The following MMP26 variants were observed in gnomAD, a reference collection of about 807,000 sequenced individuals.
MMP26 encodes matrix metallopeptidase 26, also known as matrix metalloproteinase-26.
Under a neutral mutation model 31.0 loss-of-function variants are expected in MMP26, and 33 were observed. That is an observed-to-expected ratio of 1.06 (90% CI 0.81 to 1.42). MMP26 has a LOEUF of 1.42. Among genes scored for constraint, MMP26 ranks in the 40% most tolerant of loss-of-function variants. The pLI is 0.00. For synonymous variants in MMP26, 122 were observed against 114.9 expected (o/e 1.06, Z -0.40); for missense variants, 347 against 316.1 (o/e 1.10, Z -0.74).
intron 1 of MMP26, among the ~76,000 whole-genome samples, chr11:4,763,932 C>T (rs964302138): frequency 2.0e-5 from 3 of 151,896 alleles, no homozygotes; most frequent in Non-Finnish European, 2.9e-5. Context: ...AATTGGATTC[C>T]TAAAGTTGTC....
intron 2 of MMP26, among the ~76,000 whole-genome samples, chr11:4,772,996 G>C (rs1848745974): frequency 6.6e-6 from 1 of 152,114 alleles, no homozygotes; most frequent in Admixed American, 6.5e-5. Flanking sequence ...CAACTGTTTT[G>C]ACTAATACTT....
At chr11:4,711,980 A>C (rs909412664) in intron 1 of MMP26, 1 of 152,076 alleles carries the variant, frequency 6.6e-6, no homozygotes, top group Non-Finnish European at 1.5e-5. Flanking sequence ...GCTGTTAATA[A>C]ATCTTTGTCT....
intron 2 of MMP26, among the ~76,000 whole-genome samples, chr11:4,859,074 A>G (rs1398861582): frequency 1.3e-5 from 2 of 152,232 alleles, no homozygotes; most frequent in Admixed American, 6.5e-5. Flanking sequence ...AATTAATTCA[A>G]GATGGATTAA....
intron 2 of MMP26, among the ~76,000 whole-genome samples, chr11:4,816,974 T>C (rs1849430399): frequency 6.6e-6 from 1 of 151,208 alleles, no homozygotes; most frequent in South Asian, 2.1e-4. Flanking sequence ...CCTCCCAAAG[T>C]GGGGTGCCTT....
At chr11:4,924,038 G>A (rs1851229665) in intron 2 of MMP26, 1 of 1,614,168 alleles carries the variant, frequency 6.2e-7, no homozygotes, top group African/African-American at 1.3e-5. Context: ...GAAGAGCTGA[G>A]TGAAACAGGC....
intron 2 of MMP26, among the ~76,000 whole-genome samples, chr11:4,932,823 A>G (rs766207473): frequency 2.0e-5 from 3 of 152,128 alleles, no homozygotes; most frequent in Non-Finnish European, 4.4e-5. Flanking sequence ...ACCTTTTGGC[A>G]TTACTTACTA....
At chr11:4,755,898 A>G (rs767756527) in intron 1 of MMP26, among the ~76,000 whole-genome samples, 13 of 152,102 alleles carry the variant, frequency 8.5e-5, no homozygotes, top group Non-Finnish European at 1.8e-4. Flanking sequence ...TATTTCATTA[A>G]TAAAGGAACA....
At chr11:4,970,380 C>A (rs113235273) in intron 2 of MMP26, among the ~76,000 whole-genome samples, 224 of 152,324 alleles carry the variant, frequency 1.5e-3, no homozygotes, top group African/African-American at 5.0e-3. Context: ...CATCAAGCAG[C>A]AATCTGGCTG....
chr11:4,983,403 A>G (rs1846842770), intron 2 of MMP26, among the ~76,000 whole-genome samples: 1 of 152,184 alleles, frequency 6.6e-6, no homozygotes, highest in African/African-American at 2.4e-5. Context: ...TGTCATGACA[A>G]TGGCATCAAT....
chr11:4,737,775 G>A (rs538470251), intron 1 of MMP26, among the ~76,000 whole-genome samples: 2 of 152,258 alleles, frequency 1.3e-5, no homozygotes, highest in African/African-American at 4.8e-5. Flanking sequence ...AAAGTAAATT[G>A]AAAATACCGT....
At chr11:4,713,824 T>G (rs1387518231) in intron 1 of MMP26, among the ~76,000 whole-genome samples, 1 of 152,046 alleles carries the variant, frequency 6.6e-6, no homozygotes, top group African/African-American at 2.4e-5. Context: ...GTGTGGTTAC[T>G]CACAAATTTA....
chr11:4,906,845 C>T (rs1428464749), intron 2 of MMP26, among the ~76,000 whole-genome samples: 3 of 151,954 alleles, frequency 2.0e-5, no homozygotes, highest in African/African-American at 7.3e-5. Context: ...AATCCCAGCA[C>T]TTTGGGAGGC....
chr11:4,861,473 GTATATA>G (rs1218989117), intron 2 of MMP26, among the ~76,000 whole-genome samples: 1 of 151,320 alleles, frequency 6.6e-6, no homozygotes, highest in Non-Finnish European at 1.5e-5. Flanking sequence ...ATGTGTGTGT[GTATATA>G]TATGTATATA....
chr11:4,834,814 T>G (rs1283372325), intron 2 of MMP26, among the ~76,000 whole-genome samples: 1 of 152,174 alleles, frequency 6.6e-6, no homozygotes, highest in Non-Finnish European at 1.5e-5. Context: ...TTAAATAAGT[T>G]AATGTGTTTA....
intron 2 of MMP26, among the ~76,000 whole-genome samples, chr11:4,931,220 G>A (rs1018875662): frequency 6.6e-6 from 1 of 152,066 alleles, no homozygotes; most frequent in African/African-American, 2.4e-5. Context: ...GGTTCTGGAA[G>A]GGTTATCCAT....
intron 2 of MMP26, among the ~76,000 whole-genome samples, chr11:4,905,810 A>C (rs930462331): frequency 1.3e-5 from 2 of 152,130 alleles, no homozygotes; most frequent in African/African-American, 4.8e-5. Flanking sequence ...CTTGATGATA[A>C]GTTGCAAGAT....
rs201626472 is a variant in MMP26, at chr11:4,942,089, C to CAAAAAA, written c.-144-45963_-144-45958dup. Reference sequence around the variant, plus strand: ...TGGGCAGCAGAATGAGAGTCCATCTCAAAAAAAAAAAAAAAAAAAAAGGAA... The same window carrying CAAAAAA: ...TGGGCAGCAGAATGAGAGTCCATCTCAAAAAAAAAAAAAAAAAAAAAAAAAAAGGAA... On this transcript the variant is annotated intron_variant, in intron 2 of 7. Coordinates refer to ENST00000380390, the MANE Select transcript of MMP26 (RefSeq NM_021801.5). 1.8e-3 allele frequency among the ~76,000 whole-genome samples: 65 copies of CAAAAAA among 37,098 alleles called. 4 individuals are homozygous for CAAAAAA. Among genetic ancestry groups the CAAAAAA allele is most frequent in the East Asian group, 8.1e-3 (12 of 1,490 alleles). 24.3% of individuals were successfully genotyped at this position (37,098 alleles called of 152,430 possible).
At chr11:4,830,097 G>A (rs573208925) in intron 2 of MMP26, 1 of 152,224 alleles carries the variant, frequency 6.6e-6, no homozygotes, top group South Asian at 2.1e-4. Flanking sequence ...TTCTCAGGAG[G>A]GTGTTCCTCG....
chr11:4,924,182 G>A lies in MMP26; in HGVS notation c.-144-63886G>A, dbSNP rs373220953. ...CATGGGTCCATGGAGAGTGGCATCA[G>A]TACAAATGACGTGGAGAATGGTGAG... On this transcript the variant is annotated intron_variant, in intron 2 of 7. Transcript: ENST00000380390. 10 of 1,614,078 alleles carry A rather than the reference G, an allele frequency of 6.2e-6. No homozygotes were observed. The highest frequency in any genetic ancestry group is 8.5e-6 in the Non-Finnish European group (10 of 1,180,048).
Sources: allele counts gnomAD v4.1 joint callset (sites outside exome capture counted in the v4.1 genomes callset), GRCh38; gene constraint gnomAD v4.1.1; transcripts MANE v1.5; gene names NCBI Gene and HGNC (gene_info 2026-07-23, HGNC 2026-07-21).